Variants in COXFA4L2 observed in about 807,000 individuals in gnomAD.
The protein encoded by COXFA4L2 is NADH dehydrogenase (ubiquinone) 1 alpha subcomplex, 4-like 2.
the COXFA4L2 span, chr12:57,235,599 G>C: frequency 6.2e-7 from 1 of 1,614,168 alleles, no homozygotes. Flanking sequence ...GCTTCTTATA[G>C]TCAGTGGAAA....
the COXFA4L2 span, chr12:57,237,082 C>A: frequency 1.2e-6 from 2 of 1,614,078 alleles, no homozygotes; most frequent in Non-Finnish European, 1.7e-6. Context: ...CTGGCTCCTG[C>A]CATATCGTTG....
chr12:57,240,658 C>T, the COXFA4L2 span: 1 of 985,296 alleles, frequency 1.0e-6, no homozygotes, highest in Non-Finnish European at 1.2e-6. Context: ...CGCCTACGCA[C>T]TGTCACTGAG....
At chr12:57,236,604 G>A in the COXFA4L2 span, 2 of 1,581,962 alleles carry the variant, frequency 1.3e-6, no homozygotes, top group Non-Finnish European at 1.7e-6. Flanking sequence ...AGACGTCGGG[G>A]CTGCGAAGGG....
At chr12:57,236,133 G>A in the COXFA4L2 span, 1 of 350,396 alleles carries the variant, frequency 2.9e-6, no homozygotes, top group African/African-American at 2.1e-5. Context: ...CAGATCCCAA[G>A]GGGCTGGGTT....
the COXFA4L2 span, chr12:57,236,600 C>T: frequency 7.0e-6 from 11 of 1,580,710 alleles, no homozygotes; most frequent in Middle Eastern, 3.4e-4. Context: ...TACCAGACGT[C>T]GGGGCTGCGA....
chr12:57,239,331 T>A, the COXFA4L2 span, among the ~76,000 whole-genome samples: 1 of 152,164 alleles, frequency 6.6e-6, no homozygotes, highest in African/African-American at 2.4e-5. The surrounding 1 kb of genome is among the most constrained non-coding windows in gnomAD (Gnocchi z 5.5). Flanking sequence ...AGTTGGTGCC[T>A]GGAGTGTCCG....
chr12:57,235,859 A>G, the COXFA4L2 span: 3 of 1,473,612 alleles, frequency 2.0e-6, no homozygotes, highest in South Asian at 4.3e-5. Context: ...GGGACCCAGA[A>G]CTCTGTAACC....
the COXFA4L2 span, chr12:57,235,154 C>T: frequency 1.4e-5 from 3 of 220,080 alleles, no homozygotes; most frequent in East Asian, 3.2e-4. Context: ...GGCTGGCTCT[C>T]AGAGCCTGGG....
chr12:57,238,428 G>T, the COXFA4L2 span, among the ~76,000 whole-genome samples: 1 of 152,130 alleles, frequency 6.6e-6, no homozygotes, highest in Non-Finnish European at 1.5e-5. The surrounding 1 kb of genome is among the most constrained non-coding windows in gnomAD (Gnocchi z 6.8). Context: ...GGGGAGCGGG[G>T]CTGACGGGCT....
At chr12:57,237,310 C>A in the COXFA4L2 span, 1 of 1,427,464 alleles carries the variant, frequency 7.0e-7, no homozygotes, top group Non-Finnish European at 9.1e-7. Flanking sequence ...TTCTGCTCTC[C>A]GACTCTCTCC....
the COXFA4L2 span, chr12:57,240,577 ACACT>A: frequency 1.4e-6 from 1 of 732,776 alleles, no homozygotes. Flanking sequence ...GCGCACACAC[ACACT>A]CGCGCGCGCA....
At chr12:57,237,076 C>T in the COXFA4L2 span, 4 of 1,614,198 alleles carry the variant, frequency 2.5e-6, no homozygotes, top group Non-Finnish European at 3.4e-6. Flanking sequence ...CCAAGACTGG[C>T]TCCTGCCATA....
At chr12:57,238,408 G>GT in the COXFA4L2 span, among the ~76,000 whole-genome samples, 3 of 135,006 alleles carry the variant, frequency 2.2e-5, no homozygotes, top group Admixed American at 1.4e-4. This position sits in a 1 kb window ranked among gnomAD's most constrained non-coding sequence, Gnocchi z 6.8. Flanking sequence ...CGATGTGTGT[G>GT]GGGGGGGCGG....
chr12:57,235,542 G>A, the COXFA4L2 span: 1 of 1,611,708 alleles, frequency 6.2e-7, no homozygotes, highest in Non-Finnish European at 8.5e-7. Context: ...GGCTTGCATG[G>A]CACTGGCAGC....
At chr12:57,240,228 G>A in the COXFA4L2 span, 1 of 152,170 alleles carries the variant, frequency 6.6e-6, no homozygotes, top group Non-Finnish European at 1.5e-5. Context: ...GAGCGAACGA[G>A]TGAGACAAAG....
the COXFA4L2 span, chr12:57,235,247 C>G: frequency 2.1e-6 from 1 of 474,390 alleles, no homozygotes; most frequent in Non-Finnish European, 3.8e-6. Context: ...CAACACGTAG[C>G]CTGTGCCACA....
chr12:57,236,364 A>C, the COXFA4L2 span: 1 of 489,930 alleles, frequency 2.0e-6, no homozygotes, highest in East Asian at 3.4e-5. Flanking sequence ...CGGCCGGGAG[A>C]GGCGCGGGTT....
chr12:57,235,850 G>T, the COXFA4L2 span: 1 of 1,498,218 alleles, frequency 6.7e-7, no homozygotes, highest in Non-Finnish European at 8.9e-7. Flanking sequence ...CTCCTCCCTG[G>T]GACCCAGAAC....
At chr12:57,239,631 C>A in the COXFA4L2 span, 1 of 153,422 alleles carries the variant, frequency 6.5e-6, no homozygotes, top group Non-Finnish European at 1.5e-5. The surrounding 1 kb of genome is among the most constrained non-coding windows in gnomAD (Gnocchi z 5.5). Context: ...GGCTGCCCTT[C>A]TTTCTGCCTC....
Sources: allele counts gnomAD v4.1 joint callset (sites outside exome capture counted in the v4.1 genomes callset), GRCh38; gene constraint gnomAD v4.1.1; non-coding constraint Gnocchi (gnomAD v3.1); transcripts MANE v1.5; gene names NCBI Gene and HGNC (gene_info 2026-07-23, HGNC 2026-07-21).